The following CSMD1 variants were observed in gnomAD, a reference collection of about 807,000 sequenced individuals.
CSMD1 encodes CUB and sushi domain-containing protein 1.
CSMD1 carries 213 observed loss-of-function variants against 417.5 expected under a neutral mutation model. That is an observed-to-expected ratio of 0.51 (90% confidence interval 0.46 to 0.57). CSMD1 has a LOEUF of 0.57. Ranked by LOEUF, CSMD1 falls within the 20% of genes least tolerant of loss-of-function variation. The pLI is 0.00. For missense variants in CSMD1, 6,923 were observed against 4,529.7 expected, an observed-to-expected ratio of 1.53 and a Z score of -15.17; for synonymous variants, 2,862 against 1,736.8, an observed-to-expected ratio of 1.65 and a Z score of -16.11.
chr8:4,250,025 C>T (rs1000494187), intron 3 of CSMD1, among the ~76,000 whole-genome samples: 1 of 152,196 alleles, frequency 6.6e-6, no homozygotes, highest in African/African-American at 2.4e-5. Flanking sequence ...GCTCTGTACC[C>T]ATGAATAAAT....
chr8:4,415,605 C>G (rs1038365337), intron 3 of CSMD1, among the ~76,000 whole-genome samples: 3 of 152,192 alleles, frequency 2.0e-5, no homozygotes, highest in African/African-American at 7.2e-5. Context: ...TTCTCCTTCA[C>G]TAGTCACTGA....
chr8:2,968,693 T>C (rs928411325), intron 57 of CSMD1, among the ~76,000 whole-genome samples: 1 of 151,980 alleles, frequency 6.6e-6, no homozygotes, highest in Non-Finnish European at 1.5e-5. Context: ...TTATGTAAAA[T>C]TATAAGACAG....
chr8:3,377,866 T>C (rs1369793989), intron 18 of CSMD1, among the ~76,000 whole-genome samples: 1 of 152,228 alleles, frequency 6.6e-6, no homozygotes, highest in South Asian at 2.1e-4. Context: ...TAGTCTAAGA[T>C]ATATTCAATA....
intron 23 of CSMD1, among the ~76,000 whole-genome samples, chr8:3,313,342 A>G (rs944361277): frequency 5.9e-5 from 9 of 152,202 alleles, no homozygotes; most frequent in Non-Finnish European, 1.2e-4. Context: ...AACATACAGA[A>G]AGGGAGAAAA....
At chr8:4,866,985 T>A (rs769698051) in intron 1 of CSMD1, among the ~76,000 whole-genome samples, 2 of 152,066 alleles carry the variant, frequency 1.3e-5, no homozygotes, top group Non-Finnish European at 2.9e-5. Context: ...AGACATTGTA[T>A]TTCCTCAGCA....
At chr8:4,361,781 C>T (rs1563094181) in intron 3 of CSMD1, among the ~76,000 whole-genome samples, 1 of 152,028 alleles carries the variant, frequency 6.6e-6, no homozygotes, top group Non-Finnish European at 1.5e-5. Context: ...CGGTGAAACC[C>T]CATCTCTACT....
intron 10 of CSMD1, among the ~76,000 whole-genome samples, chr8:3,511,907 T>TA (rs33926203): frequency 8.5e-4 from 122 of 143,444 alleles, no homozygotes; most frequent in East Asian, 5.9e-3. Flanking sequence ...AAAGTCAAAT[T>TA]AAAAAAAAAA....
chr8:4,167,149 T>C (rs955883961), intron 3 of CSMD1, among the ~76,000 whole-genome samples: 3 of 152,218 alleles, frequency 2.0e-5, no homozygotes, highest in African/African-American at 7.2e-5. Context: ...GACATTTTTT[T>C]TTCTACCTAC....
chr8:4,454,757 A>G (rs1799367541), intron 2 of CSMD1, among the ~76,000 whole-genome samples: 1 of 152,228 alleles, frequency 6.6e-6, no homozygotes, highest in African/African-American at 2.4e-5. Context: ...GAAAGGAAGA[A>G]TGTCTGAAAT....
chr8:3,768,942 T>C (rs1005027787), intron 5 of CSMD1, among the ~76,000 whole-genome samples: 1 of 152,212 alleles, frequency 6.6e-6, no homozygotes, highest in African/African-American at 2.4e-5. Context: ...ATCTGCTGTG[T>C]TCCGATGGAA....
intron 5 of CSMD1, among the ~76,000 whole-genome samples, chr8:3,766,187 C>G (rs1209378729): frequency 6.6e-6 from 1 of 152,162 alleles, no homozygotes; most frequent in Non-Finnish European, 1.5e-5. Context: ...ACGGAAGGGA[C>G]AGAGGAATGA....
intron 3 of CSMD1, among the ~76,000 whole-genome samples, chr8:4,069,400 T>G (rs557098781): frequency 6.6e-6 from 1 of 152,314 alleles, no homozygotes; most frequent in East Asian, 1.9e-4. Context: ...TTTTCTGAGT[T>G]TTCCGAGTTT....
intron 2 of CSMD1, among the ~76,000 whole-genome samples, chr8:4,489,321 G>C (rs796247121): frequency 3.9e-5 from 6 of 152,268 alleles, no homozygotes; most frequent in African/African-American, 1.4e-4. Flanking sequence ...CAATGCATAA[G>C]GAAAAACTTA....
rs567039184 is a variant in CSMD1 at position 3,082,596 on chromosome 8, C to T, written c.7474+4501G>A. Among the ~76,000 whole-genome samples, 5 of 152,186 alleles carry T rather than the reference C, an allele frequency of 3.3e-5. No individual in the cohort carries two copies. The South Asian group carries it at 6.2e-4, about 19-fold the overall frequency. ...TTCACCTTGGTACCCGCCTGCAGTG[C>T]GTAACTCAGAGCTAAGTCTGAATTG... On this transcript the variant is annotated intron_variant, in intron 49 of 69. Coordinates refer to ENST00000635120, the MANE Select transcript of CSMD1 (RefSeq NM_033225.6).
At chr8:3,342,715 C>T (rs1329507922) in intron 23 of CSMD1, among the ~76,000 whole-genome samples, 4 of 152,140 alleles carry the variant, frequency 2.6e-5, no homozygotes, top group Non-Finnish European at 5.9e-5. Flanking sequence ...GGAGCTACAG[C>T]TTCAATCCTG....
At chr8:3,638,912 T>C (rs950200949) in intron 7 of CSMD1, among the ~76,000 whole-genome samples, 4 of 152,186 alleles carry the variant, frequency 2.6e-5, no homozygotes, top group African/African-American at 9.7e-5. Flanking sequence ...GGACTCCGAA[T>C]AGCCTGATAT....
intron 3 of CSMD1, among the ~76,000 whole-genome samples, chr8:4,169,135 G>A (rs771747678): frequency 6.6e-6 from 1 of 152,148 alleles, no homozygotes; most frequent in Non-Finnish European, 1.5e-5. Context: ...CTCACTGGTG[G>A]TGATGCCCAG....
intron 10 of CSMD1, among the ~76,000 whole-genome samples, chr8:3,520,121 C>T (rs1158629621): frequency 6.6e-6 from 1 of 151,190 alleles, no homozygotes; most frequent in Non-Finnish European, 1.5e-5. Flanking sequence ...CTTACAGGCA[C>T]AGAGAAATAA....
At chr8:4,765,169 T>C (rs112836484) in intron 1 of CSMD1, among the ~76,000 whole-genome samples, 1,567 of 152,288 alleles carry the variant, frequency 0.01, 29 homozygotes, top group African/African-American at 0.036. Flanking sequence ...ACTTTTTTTC[T>C]TTATTTTTTA....
Sources: allele counts gnomAD v4.1 joint callset (sites outside exome capture counted in the v4.1 genomes callset), GRCh38; gene constraint gnomAD v4.1.1; transcripts MANE v1.5; gene names NCBI Gene and HGNC (gene_info 2026-07-23, HGNC 2026-07-21).